Variants in IQSEC2 observed in about 807,000 individuals in gnomAD.
The protein encoded by IQSEC2 is IQ motif and Sec7 domain ArfGEF 2, also known as IQ motif and SEC7 domain-containing protein 2.
A neutral mutation model predicts 74.6 loss-of-function variants in IQSEC2; 6 were observed. The observed-to-expected ratio is 0.08, with a 90% CI of 0.04 to 0.16. The LOEUF is 0.16. Ranked by LOEUF, IQSEC2 falls within the 10% of genes least tolerant of loss-of-function variation. The probability of loss-of-function intolerance (pLI) is 1.00; values close to 1 mark genes in which losing one functional copy is unlikely to be tolerated. For missense variants in IQSEC2, 734 were observed against 1,306.2 expected (o/e 0.56, Z 6.75); for synonymous variants, 494 against 544.5 (o/e 0.91, Z 1.29).
chrX:53,318,409 G>A (rs1235836062), intron 1 of IQSEC2, among the ~76,000 whole-genome samples: 4 of 112,334 alleles, frequency 3.6e-5, no homozygotes, highest in Non-Finnish European at 5.6e-5. Flanking sequence ...AGGCCTGCAC[G>A]GATAGCAGAA....
chrX:53,261,240 C>A (rs1242228761), intron 2 of IQSEC2, among the ~76,000 whole-genome samples: 1 of 111,324 alleles, frequency 9.0e-6, no homozygotes. Flanking sequence ...CATACACACA[C>A]ATGCAAACAC....
At chrX:53,292,269 C>T (rs1051421445) in intron 1 of IQSEC2, among the ~76,000 whole-genome samples, 3 of 111,572 alleles carry the variant, frequency 2.7e-5, no homozygotes, top group Admixed American at 9.5e-5. Context: ...AGCCAGCAGC[C>T]GTGGGCAGGG....
chrX:53,266,828 G>T, intron 2 of IQSEC2: 1 of 1,077,719 alleles, frequency 9.3e-7, no homozygotes. Flanking sequence ...GGGAGGAAGG[G>T]GCACGATGCT....
intron 2 of IQSEC2, among the ~76,000 whole-genome samples, chrX:53,260,280 C>T (rs1363677199): frequency 9.0e-6 from 1 of 111,343 alleles, no homozygotes; most frequent in African/African-American, 3.3e-5. Context: ...GTACAGCCAG[C>T]GCAAAGGCCC....
In IQSEC2 at chrX:53,267,060, C is replaced by T. The variant is rs782486853; in HGVS notation, c.738-10999G>A. ...TCCTCAGTCTCCTCCTCCTCCTCCTCTTCCCTGGGGCCAGGAAGGGCGGGG... is the reference window on the plus strand; with the variant it reads ...TCCTCAGTCTCCTCCTCCTCCTCCTTTTCCCTGGGGCCAGGAAGGGCGGGG... On this transcript the variant is annotated intron_variant, in intron 2 of 14. Coordinates refer to ENST00000642864, the MANE Select transcript of IQSEC2 (RefSeq NM_001111125.3). The T allele has an allele frequency of 2.6e-4, 296 of 1,150,252 alleles. No individual in the cohort carries two copies. Among genetic ancestry groups the T allele is most frequent in the Non-Finnish European group, 3.2e-4 (276 of 870,487 alleles). 94.8% of individuals were successfully genotyped at this position (1,150,252 alleles called of 1,213,427 possible). A position where few individuals can be genotyped will look rare whatever the true frequency, so the allele number is the denominator to read the frequency against.
chrX:53,273,889 C>T (rs932790903), intron 2 of IQSEC2, among the ~76,000 whole-genome samples: 1 of 112,512 alleles, frequency 8.9e-6, no homozygotes, highest in Non-Finnish European at 1.9e-5. Context: ...ACAAGCAATG[C>T]TGCACTGAAC....
chrX:53,236,643 G>A lies in IQSEC2; in HGVS notation c.3278-148C>T, dbSNP rs1831962123. On this transcript the variant is annotated intron_variant, in intron 12 of 14. Transcript: ENST00000642864. ...AGGCTTCGTGTTTTGCCCCTTGGAC[G>A]ACCAGCCCTTGTCTCCCCCAAAACT... The A allele has an allele frequency of 9.3e-6, 6 of 645,049 alleles. No homozygotes were observed. The South Asian group carries it at 1.0e-4, about 11-fold the overall frequency. 53.2% of individuals were successfully genotyped at this position (645,049 alleles called of 1,213,427 possible).
At chrX:53,279,658 A>G in intron 2 of IQSEC2, 1 of 1,130,941 alleles carries the variant, frequency 8.8e-7, no homozygotes, top group Non-Finnish European at 1.2e-6. Flanking sequence ...GACGCTGTGG[A>G]CCTGAGAGAC....
rs1481060300 is a variant in IQSEC2 at position 53,251,064 on chromosome X, C to A, written c.1512G>T (p.Gln504His). ...AQLEKRESKE[Q>H]QEDSSATSFS... Reference sequence around the variant, plus strand: ...AGGATGTGGCTGAGCTGTCCTCTTGCTGTTCCTTTGACTCCCGCTTCTCCA... The same window carrying A: ...AGGATGTGGCTGAGCTGTCCTCTTGATGTTCCTTTGACTCCCGCTTCTCCA... Residue 504 changes from glutamine (Q) to histidine (H), a missense_variant, in exon 5 of 15, where the codon CAG becomes CAT. Gln to His is a conservative substitution (Grantham distance 24). Around this residue, in one of 12 missense-constraint regions of IQSEC2, gnomAD observed 204 missense variants for 305.4 expected, o/e 0.67. Coordinates refer to ENST00000642864, the MANE Select transcript of IQSEC2 (RefSeq NM_001111125.3). 1 of 1,209,996 alleles carries A rather than the reference C, an allele frequency of 8.3e-7. No homozygotes were observed. Among genetic ancestry groups the A allele is most frequent in the Non-Finnish European group, 1.1e-6 (1 of 895,168 alleles).
intron 2 of IQSEC2, among the ~76,000 whole-genome samples, chrX:53,274,979 C>A (rs149737471): frequency 4.5e-5 from 5 of 111,428 alleles, no homozygotes; most frequent in South Asian, 7.4e-4. Flanking sequence ...TTTCTCCTAG[C>A]CTGTTTATGT....
At chrX:53,263,019 G>A (rs2074592107) in intron 2 of IQSEC2, among the ~76,000 whole-genome samples, 1 of 111,990 alleles carries the variant, frequency 8.9e-6, no homozygotes, top group Admixed American at 9.4e-5. Flanking sequence ...AAGTGTATCT[G>A]AACACAAAGC....
intron 1 of IQSEC2, among the ~76,000 whole-genome samples, chrX:53,297,274 C>A (rs1239151443): frequency 1.8e-5 from 2 of 111,511 alleles, no homozygotes; most frequent in African/African-American, 6.5e-5. Flanking sequence ...ATATGACATA[C>A]TATGATTACA....
At chrX:53,239,147 G>A in intron 11 of IQSEC2, 48 bp downstream of exon 11, 1 of 960,824 alleles carries the variant, frequency 1.0e-6, no homozygotes, top group Non-Finnish European at 1.5e-6. Context: ...GTGAGCATGG[G>A]GGCCATGACA....
chrX:53,286,432 T>C (rs942609765), intron 2 of IQSEC2, among the ~76,000 whole-genome samples: 12 of 112,047 alleles, frequency 1.1e-4, no homozygotes, highest in Non-Finnish European at 1.1e-4. Context: ...AAGTACCAAG[T>C]GTTTTCTCTC....
intron 2 of IQSEC2, chrX:53,266,781 A>C: frequency 2.0e-6 from 2 of 1,016,200 alleles, no homozygotes; most frequent in Non-Finnish European, 1.3e-6. Flanking sequence ...TCCAGAGGAG[A>C]CAGCAGTGGG....
rs781792953 is a variant in IQSEC2 at position 53,272,039 on chromosome X, T to C, written c.738-15978A>G. ...TGGCCCTTCCCAATAACATCCCGTT[T>C]CTTTTCCATATGCTGTATGCTATTC... is the stretch of plus-strand genomic sequence containing the variant. On this transcript the variant is annotated intron_variant, in intron 2 of 14. Transcript: ENST00000642864. 8.1e-5 allele frequency among the ~76,000 whole-genome samples: 9 copies of C among 111,302 alleles called. No individual in the cohort carries two copies. The South Asian group carries it at 3.1e-3, about 38-fold the overall frequency.
intron 2 of IQSEC2, among the ~76,000 whole-genome samples, chrX:53,272,349 T>G: frequency 9.0e-6 from 1 of 111,643 alleles, no homozygotes; most frequent in Admixed American, 9.5e-5. Flanking sequence ...TAATAGCTAC[T>G]CTTTCCTGAG....
chrX:53,240,823 G>A lies in IQSEC2; in HGVS notation c.3015+961C>T, dbSNP rs188019455. On this transcript the variant is annotated intron_variant, in intron 10 of 14. Transcript: ENST00000642864. Reference sequence around the variant, plus strand: ...CAGAGTTTCACTTGTCGCCCAGGCTGGAGTGCAATGGAGCGATCTCAGCTC... The same window carrying A: ...CAGAGTTTCACTTGTCGCCCAGGCTAGAGTGCAATGGAGCGATCTCAGCTC... Among the ~76,000 whole-genome samples, 47 of 105,453 alleles carry A rather than the reference G, an allele frequency of 4.5e-4. 1 individual carries two copies. The highest frequency in any genetic ancestry group is 4.4e-3 in the Admixed American group (43 of 9,800). 91.6% of individuals were successfully genotyped at this position (105,453 alleles called of 115,157 possible).
At chrX:53,280,105 C>T (rs1556870530) in intron 2 of IQSEC2, among the ~76,000 whole-genome samples, 1 of 106,247 alleles carries the variant, frequency 9.4e-6, no homozygotes, top group African/African-American at 3.5e-5. Flanking sequence ...GGACCTCAGC[C>T]ACAGAGACGC....
Sources: allele counts gnomAD v4.1 joint callset (sites outside exome capture counted in the v4.1 genomes callset), GRCh38; gene constraint gnomAD v4.1.1; regional missense constraint gnomAD v4.1.1; transcripts MANE v1.5; gene names NCBI Gene and HGNC (gene_info 2026-07-23, HGNC 2026-07-21).